Variants in CACNA2D2 observed in about 807,000 individuals in gnomAD.
CACNA2D2 encodes voltage-dependent calcium channel subunit alpha-2/delta-2.
In CACNA2D2, 48 loss-of-function variants were observed where a neutral mutation model predicts 166.4. The ratio of observed to expected loss-of-function variants is 0.29; its 90% CI spans 0.23 to 0.37. The LOEUF is 0.37. Among genes scored for constraint, CACNA2D2 ranks in the 10% least tolerant of loss-of-function variants. CACNA2D2 has a pLI of 1.00. For synonymous variants in CACNA2D2, 561 were observed against 573.7 expected (o/e 0.98, Z 0.32); for missense variants, 1,122 against 1,433.0 (o/e 0.78, Z 3.50).
chr3:50,413,645 G>C (rs532458145), intron 3 of CACNA2D2, among the ~76,000 whole-genome samples: 1 of 152,088 alleles, frequency 6.6e-6, no homozygotes. Flanking sequence ...CCAGGAGTTC[G>C]AGACCAGACT....
At chr3:50,474,868 TC>T (rs1710243637) in intron 2 of CACNA2D2, among the ~76,000 whole-genome samples, 2 of 152,170 alleles carry the variant, frequency 1.3e-5, no homozygotes, top group Admixed American at 6.5e-5. Flanking sequence ...TCTGCTGGCC[TC>T]CAAGTGCGGC....
At chr3:50,473,141 T>C (rs758757416) in intron 2 of CACNA2D2, among the ~76,000 whole-genome samples, 3 of 152,094 alleles carry the variant, frequency 2.0e-5, no homozygotes, top group African/African-American at 4.8e-5. Context: ...GCTGCGATGT[T>C]AGATGAGGAA....
intron 6 of CACNA2D2, among the ~76,000 whole-genome samples, 195 bp from the exon 7 acceptor site, chr3:50,381,321 C>T (rs942443592): frequency 6.6e-6 from 1 of 152,064 alleles, no homozygotes; most frequent in Non-Finnish European, 1.5e-5. Flanking sequence ...CCTCACCCCT[C>T]CCAAGCTGTG....
At chr3:50,479,820 C>T (rs1697968491) in intron 1 of CACNA2D2, among the ~76,000 whole-genome samples, 1 of 152,350 alleles carries the variant, frequency 6.6e-6, no homozygotes, top group East Asian at 1.9e-4. Flanking sequence ...CCTGACCAGA[C>T]AATGTTGCCC....
At chr3:50,453,036 C>T (rs1041192568) in intron 2 of CACNA2D2, among the ~76,000 whole-genome samples, 4 of 152,162 alleles carry the variant, frequency 2.6e-5, no homozygotes, top group Non-Finnish European at 2.9e-5. Context: ...AGTCTTTTCC[C>T]AGGAATATGA....
intron 3 of CACNA2D2, among the ~76,000 whole-genome samples, chr3:50,432,838 G>T (rs1459323194): frequency 6.6e-6 from 1 of 152,236 alleles, no homozygotes; most frequent in Non-Finnish European, 1.5e-5. Flanking sequence ...ATCCCATGGG[G>T]GACAGCAGGG....
At chr3:50,406,660 A>G (rs997901016) in intron 3 of CACNA2D2, among the ~76,000 whole-genome samples, 1 of 151,568 alleles carries the variant, frequency 6.6e-6, no homozygotes, top group African/African-American at 2.4e-5. Flanking sequence ...CACCATCACT[A>G]CCTTCATCCC....
chr3:50,406,342 A>C (rs1706709222), intron 3 of CACNA2D2, among the ~76,000 whole-genome samples: 1 of 151,792 alleles, frequency 6.6e-6, no homozygotes, highest in South Asian at 2.1e-4. Flanking sequence ...AGCACCAAGC[A>C]AGCCCCACTG....
chr3:50,488,365 T>C (rs1359254487), intron 1 of CACNA2D2, among the ~76,000 whole-genome samples: 1 of 152,182 alleles, frequency 6.6e-6, no homozygotes, highest in Non-Finnish European at 1.5e-5. Flanking sequence ...TCTCAGGAGC[T>C]GATTTCATTC....
rs553194022 is a variant in CACNA2D2 at position 50,448,013 on chromosome 3, C to A, written c.289-13584G>T. 2.2e-3 allele frequency among the ~76,000 whole-genome samples: 338 copies of A among 152,304 alleles called. 1 individual carries two copies. The highest frequency in any genetic ancestry group is 7.9e-3 in the African/African-American group (327 of 41,558). On this transcript the variant is annotated intron_variant, in intron 2 of 37. Transcript: ENST00000424201. ...CTGGCCTCTGGACTACCCGTCCCCT[C>A]CATGAACAAAACCTAGCCTCCCCCA...
At chr3:50,439,823 G>C (rs967727304) in intron 2 of CACNA2D2, among the ~76,000 whole-genome samples, 7 of 152,210 alleles carry the variant, frequency 4.6e-5, no homozygotes, top group African/African-American at 1.7e-4. Context: ...GGAAGCCTGA[G>C]CTGGGCCAAT....
At chr3:50,430,717 C>T (rs1359743530) in intron 3 of CACNA2D2, among the ~76,000 whole-genome samples, 1 of 152,112 alleles carries the variant, frequency 6.6e-6, no homozygotes, top group Non-Finnish European at 1.5e-5. Context: ...GCAGGAGAGT[C>T]CTGATTTGGG....
chr3:50,503,775 G>GCCCGCGCGCCTCTCGTC (rs1383524343), upstream of CACNA2D2: 8 of 151,268 alleles, frequency 5.3e-5, no homozygotes, highest in South Asian at 1.9e-4. Context: ...GCCCACCCGT[G>GCCCGCGCGCCTCTCGTC]CCCGCGCGCC....
rs976135835 is a variant in CACNA2D2, at chr3:50,367,477, T to G, written c.2318A>C (p.Glu773Ala). The G allele has an allele frequency of 5.0e-6, 8 of 1,613,834 alleles. No homozygotes were observed. Among genetic ancestry groups the G allele is most frequent in the African/African-American group, 1.3e-5 (1 of 74,922 alleles). The change falls in exon 27 of 38, where the codon GAG (glutamate) becomes GCG (alanine). Residue 773 changes from glutamate (E) to alanine (A), a missense_variant. Physicochemically the swap from Glu to Ala is moderately radical, Grantham distance 107 (BLOSUM62 -1). Coordinates refer to ENST00000424201, the MANE Select transcript of CACNA2D2 (RefSeq NM_006030.4). This position sits in a 1 kb window ranked among gnomAD's most constrained non-coding sequence, Gnocchi z 6.5. ...FPNKAAEDWT[E>A]NPEPFNASFY... is the part of the protein sequence containing the mutation. ...GCTGGCATTGAAGGGCTCAGGGTTC[T>G]CTGTCCAGTCCTCAGCTGCCCTGGA... is the stretch of plus-strand genomic sequence containing the variant.
chr3:50,372,070 T>A (rs756950550), intron 22 of CACNA2D2, among the ~76,000 whole-genome samples: 2 of 152,048 alleles, frequency 1.3e-5, no homozygotes, highest in Non-Finnish European at 2.9e-5. Flanking sequence ...CCATGCCCCA[T>A]CTGCCCAGGG....
chr3:50,462,894 A>AC (rs567510963), intron 2 of CACNA2D2, among the ~76,000 whole-genome samples: 67 of 151,880 alleles, frequency 4.4e-4, no homozygotes, highest in African/African-American at 1.5e-3. Context: ...GAAAAAGAAA[A>AC]AAAAAAGAGA....
At position 50,379,100 on chromosome 3, in the gene CACNA2D2, T is replaced by C; in HGVS notation, c.1252A>G (p.Asn418Asp). ...CCTCGGTTGAGCCTCACCGTCCGGT[T>C]TGGCCAATTGTACTTCTCAAAGACG... ...QDVFEKYNWP[N>D]RTVRVFTFSV... Residue 418 changes from asparagine to aspartate, a missense_variant, in exon 12 of 38, where the codon AAC (asparagine) becomes GAC (aspartate). This residue lies in a region of CACNA2D2 where 840 missense variants were observed against 1,166.8 expected (regional missense o/e 0.72). Coordinates refer to ENST00000424201, the MANE Select transcript of CACNA2D2 (RefSeq NM_006030.4). The surrounding 1 kb of genome is among the most constrained non-coding windows in gnomAD (Gnocchi z 6.5). 2 of 1,613,530 alleles carry C rather than the reference T, an allele frequency of 1.2e-6. No homozygotes were observed. Among genetic ancestry groups the C allele is most frequent in the Non-Finnish European group, 1.7e-6 (2 of 1,179,558 alleles).
chr3:50,415,159 CAAGGCCCCCA>C (rs1422215771), intron 3 of CACNA2D2, among the ~76,000 whole-genome samples: 3 of 152,212 alleles, frequency 2.0e-5, no homozygotes, highest in Non-Finnish European at 4.4e-5. Flanking sequence ...ATGAAATGCC[CAAGGCCCCCA>C]GTGGCTCCTG....
intron 3 of CACNA2D2, among the ~76,000 whole-genome samples, chr3:50,411,342 T>C (rs1045307082): frequency 1.3e-5 from 2 of 152,236 alleles, no homozygotes; most frequent in Admixed American, 1.3e-4. Flanking sequence ...TTCTTCTTTC[T>C]GCTACCATGT....
Sources: allele counts gnomAD v4.1 joint callset (sites outside exome capture counted in the v4.1 genomes callset), GRCh38; gene constraint gnomAD v4.1.1; regional missense constraint gnomAD v4.1.1; non-coding constraint Gnocchi (gnomAD v3.1); transcripts MANE v1.5; gene names NCBI Gene and HGNC (gene_info 2026-07-23, HGNC 2026-07-21).